Variants in RBFOX1 observed in about 807,000 individuals in gnomAD.
RBFOX1 encodes RNA binding protein fox-1 homolog 1.
RBFOX1 carries 8 observed loss-of-function variants against 57.7 expected under a neutral mutation model. That is an observed-to-expected ratio of 0.14 (90% CI 0.08 to 0.25). The LOEUF is 0.25. Ranked by LOEUF, RBFOX1 falls within the 10% of genes least tolerant of loss-of-function variation. The probability of loss-of-function intolerance (pLI) is 1.00; values close to 1 mark genes in which losing one functional copy is unlikely to be tolerated. For synonymous variants in RBFOX1, 326 were observed against 222.4 expected (o/e 1.47, Z -4.15); for missense variants, 611 against 548.5 (o/e 1.11, Z -1.14).
At chr16:6,559,063 A>C (rs2097143570) in intron 2 of RBFOX1, among the ~76,000 whole-genome samples, 1 of 151,956 alleles carries the variant, frequency 6.6e-6, no homozygotes, top group Non-Finnish European at 1.5e-5. Flanking sequence ...ATATGTCTGT[A>C]TTTGGTCTCA....
intron 4 of RBFOX1, among the ~76,000 whole-genome samples, chr16:7,433,290 C>T (rs542916292): frequency 6.6e-6 from 1 of 152,308 alleles, no homozygotes; most frequent in South Asian, 2.1e-4. Context: ...AGTTCTAATT[C>T]AAACCCTAAG....
At chr16:5,387,856 G>A (rs1596789629) in intron 1 of RBFOX1, among the ~76,000 whole-genome samples, 1 of 152,296 alleles carries the variant, frequency 6.6e-6, no homozygotes, top group African/African-American at 2.4e-5. Context: ...CAGCGGGATT[G>A]ATGTAATCAT....
chr16:6,266,818 T>C (rs1433060381), intron 1 of RBFOX1, among the ~76,000 whole-genome samples: 1 of 152,204 alleles, frequency 6.6e-6, no homozygotes, highest in Admixed American at 6.5e-5. Flanking sequence ...TTATCATGTG[T>C]TCCCATGGCA....
chr16:6,993,869 C>G lies in RBFOX1; in HGVS notation c.-15-58188C>G, dbSNP rs536685313. ...TTGTGAAGCAATACCACCTCTTCCC[C>G]GAACGTCTCTCAGGGACAACATTAA... On this transcript the variant is annotated intron_variant, in intron 3 of 15. Coordinates refer to ENST00000550418, the MANE Select transcript of RBFOX1 (RefSeq NM_018723.4). 1.9e-4 allele frequency among the ~76,000 whole-genome samples: 29 copies of G among 152,232 alleles called. No individual in the cohort carries two copies. In the South Asian group the frequency reaches 4.4e-3, roughly 23 times the overall value.
At chr16:7,055,501 C>T (rs2051849832) in intron 4 of RBFOX1, among the ~76,000 whole-genome samples, 1 of 152,156 alleles carries the variant, frequency 6.6e-6, no homozygotes, top group Non-Finnish European at 1.5e-5. Flanking sequence ...TACCCCATAT[C>T]ACGTTCTCAC....
At chr16:6,682,027 GA>G (rs1568192620) in intron 3 of RBFOX1, among the ~76,000 whole-genome samples, 1 of 152,116 alleles carries the variant, frequency 6.6e-6, no homozygotes, top group East Asian at 1.9e-4. Context: ...CCTTACTCCT[GA>G]CTGAGAACTC....
chr16:6,398,999 T>A (rs2092955600), intron 2 of RBFOX1, among the ~76,000 whole-genome samples: 1 of 152,158 alleles, frequency 6.6e-6, no homozygotes, highest in Admixed American at 6.5e-5. Flanking sequence ...TTTCCACACA[T>A]CCTCTGAAAT....
At chr16:7,490,237 A>G (rs1387614111) in intron 4 of RBFOX1, among the ~76,000 whole-genome samples, 1 of 152,224 alleles carries the variant, frequency 6.6e-6, no homozygotes, top group African/African-American at 2.4e-5. Context: ...TGAGAAAAGA[A>G]TGACACTTTG....
chr16:6,780,799 A>G (rs1377808204), intron 3 of RBFOX1, among the ~76,000 whole-genome samples: 1 of 151,720 alleles, frequency 6.6e-6, no homozygotes, highest in Non-Finnish European at 1.5e-5. Context: ...CTTCTTGAGA[A>G]TTGTCTATTC....
At chr16:6,386,562 C>G (rs1046844272) in intron 2 of RBFOX1, among the ~76,000 whole-genome samples, 12 of 152,118 alleles carry the variant, frequency 7.9e-5, no homozygotes, top group Non-Finnish European at 1.8e-4. Flanking sequence ...AAAGCAGCAA[C>G]AACCAATAAA....
intron 2 of RBFOX1, among the ~76,000 whole-genome samples, chr16:6,450,777 A>ATATACATATACATATATATATG (rs2094579802): frequency 5.3e-4 from 21 of 39,530 alleles, no homozygotes; most frequent in Admixed American, 2.6e-3. Context: ...GTATATATAT[A>ATATACATATACATATATATATG]TATATATATA....
chr16:6,181,901 G>A (rs1215584169), intron 1 of RBFOX1, among the ~76,000 whole-genome samples: 1 of 135,376 alleles, frequency 7.4e-6, no homozygotes, highest in African/African-American at 2.7e-5. Context: ...ATATCATCTT[G>A]CAACATTTTG....
At chr16:7,388,252 G>A (rs562451092) in intron 4 of RBFOX1, among the ~76,000 whole-genome samples, 1 of 152,276 alleles carries the variant, frequency 6.6e-6, no homozygotes, top group South Asian at 2.1e-4. Flanking sequence ...GCAGCACTCG[G>A]TATCCATGAT....
At chr16:6,419,999 C>A (rs529548052) in intron 2 of RBFOX1, among the ~76,000 whole-genome samples, 22 of 152,262 alleles carry the variant, frequency 1.4e-4, no homozygotes, top group African/African-American at 5.1e-4. Context: ...TTTCACTGAG[C>A]TGTTAAAAAT....
At position 5,821,093 on chromosome 16, in the gene RBFOX1, C is replaced by G. The variant is rs2055836542; in HGVS notation, c.319-46210C>G. Among the ~76,000 whole-genome samples the G allele has an allele frequency of 2.0e-5, 3 of 152,064 alleles. No individual in the cohort carries two copies. In the South Asian group the frequency reaches 6.2e-4, roughly 32 times the overall value. ...GGTGCTCCTACCAGGGTCTCTGCAG[C>G]ACACCCCCATCAGGACCAAACTCAT... On this transcript the variant is annotated intron_variant, in intron 3 of 19. Coordinates refer to the RBFOX1 transcript ENST00000641259.
intron 3 of RBFOX1, among the ~76,000 whole-genome samples, chr16:6,980,604 G>A (rs2088502832): frequency 6.6e-6 from 1 of 152,272 alleles, no homozygotes; most frequent in South Asian, 2.1e-4. Context: ...GGAGGTGGCA[G>A]GTTTTAGCTG....
At chr16:5,251,410 C>T (rs150844879) in intron 1 of RBFOX1, among the ~76,000 whole-genome samples, 5 of 152,150 alleles carry the variant, frequency 3.3e-5, no homozygotes, top group Admixed American at 1.3e-4. Context: ...GTTGCTGATA[C>T]GTGGTTGACT....
rs9925853 is a variant in RBFOX1, at chr16:7,537,677, G to A, written c.270+19288G>A. 3.3e-5 allele frequency among the ~76,000 whole-genome samples: 5 copies of A among 152,228 alleles called. No homozygotes were observed. In the East Asian group the frequency reaches 7.7e-4, roughly 24 times the overall value. On this transcript the variant is annotated intron_variant, in intron 5 of 15. Coordinates refer to ENST00000550418, the MANE Select transcript of RBFOX1 (RefSeq NM_018723.4). Reference sequence around the variant, plus strand: ...GGGAAGTAGGAATCAGGAAATGGTGGCTTCTAACGTGATTTCATCCAGGCC... The same window carrying A: ...GGGAAGTAGGAATCAGGAAATGGTGACTTCTAACGTGATTTCATCCAGGCC...
intron 4 of RBFOX1, among the ~76,000 whole-genome samples, chr16:7,428,796 C>T (rs1005911166): frequency 6.6e-6 from 1 of 151,928 alleles, no homozygotes; most frequent in African/African-American, 2.4e-5. Flanking sequence ...GAGGGCAATT[C>T]ACTTCCCCTC....
Sources: allele counts gnomAD v4.1 joint callset (sites outside exome capture counted in the v4.1 genomes callset), GRCh38; gene constraint gnomAD v4.1.1; transcripts MANE v1.5; gene names NCBI Gene and HGNC (gene_info 2026-07-23, HGNC 2026-07-21).